Variants in EXOC4 observed in about 807,000 individuals in gnomAD.
EXOC4 encodes exocyst complex component 4.
Under a neutral mutation model 107.2 loss-of-function variants are expected in EXOC4, and 71 were observed. The observed-to-expected ratio is 0.66, with a 90% CI of 0.55 to 0.81. EXOC4 has a LOEUF of 0.81. Among genes scored for constraint, EXOC4 ranks in the 30% least tolerant of loss-of-function variants. The pLI is 0.00. For missense variants in EXOC4, 1,108 were observed against 1,189.6 expected (o/e 0.93, Z 1.01); for synonymous variants, 456 against 441.2 (o/e 1.03, Z -0.42).
intron 10 of EXOC4, among the ~76,000 whole-genome samples, chr7:133,643,642 C>G (rs1585050154): frequency 6.6e-6 from 1 of 152,126 alleles, no homozygotes. Flanking sequence ...CTTTGTACAA[C>G]CAGAAACACA....
At chr7:133,289,894 T>G (rs975510306) in intron 3 of EXOC4, among the ~76,000 whole-genome samples, 3 of 152,180 alleles carry the variant, frequency 2.0e-5, no homozygotes, top group African/African-American at 7.2e-5. Flanking sequence ...ATGGGCTGTA[T>G]TTGAATTGTT....
intron 4 of EXOC4, among the ~76,000 whole-genome samples, chr7:133,308,562 A>G (rs571498415): frequency 1.3e-5 from 2 of 152,298 alleles, no homozygotes; most frequent in East Asian, 3.9e-4. Context: ...TGTCTAAGCT[A>G]TCCAGTCTGT....
chr7:133,367,463 T>G (rs1321143682), intron 6 of EXOC4, among the ~76,000 whole-genome samples: 1 of 152,124 alleles, frequency 6.6e-6, no homozygotes, highest in Non-Finnish European at 1.5e-5. Flanking sequence ...AAATAATTAT[T>G]TGGGACTTTT....
At chr7:133,948,233 T>G (rs1294517676) in intron 14 of EXOC4, among the ~76,000 whole-genome samples, 1 of 152,166 alleles carries the variant, frequency 6.6e-6, no homozygotes, top group Non-Finnish European at 1.5e-5. Context: ...CCTTAGACAC[T>G]TGGGTGCTTT....
intron 14 of EXOC4, among the ~76,000 whole-genome samples, chr7:133,961,052 T>C (rs181586324): frequency 3.7e-4 from 57 of 152,230 alleles, no homozygotes; most frequent in Middle Eastern, 3.4e-3. Context: ...AGGGAGGTTA[T>C]CTTGGGTTAT....
chr7:133,520,865 A>G (rs908117016), intron 9 of EXOC4, among the ~76,000 whole-genome samples: 8 of 152,038 alleles, frequency 5.3e-5, no homozygotes, highest in Non-Finnish European at 1.0e-4. Flanking sequence ...AGTTTCATTT[A>G]TGCCTTTCCC....
At position 133,344,304 on chromosome 7, in the gene EXOC4, A is replaced by G. The variant is rs944881814; in HGVS notation, c.764-12026A>G. Among the ~76,000 whole-genome samples the G allele has an allele frequency of 2.6e-5, 4 of 152,058 alleles. No individual in the cohort carries two copies. The South Asian group carries it at 6.2e-4, about 24-fold the overall frequency. ...TTGCCTTCTAGTTTTCTTGTGCTTC[A>G]TGGTTGTTTTGTTGAAGGGAATTTA... On this transcript the variant is annotated intron_variant, in intron 5 of 17. Transcript: ENST00000253861.
chr7:133,668,141 G>T (rs573376404), intron 10 of EXOC4, among the ~76,000 whole-genome samples: 2 of 152,258 alleles, frequency 1.3e-5, no homozygotes, highest in African/African-American at 4.8e-5. Context: ...TTTATATTCG[G>T]AATGGTTTTT....
intron 9 of EXOC4, among the ~76,000 whole-genome samples, chr7:133,556,543 A>G (rs1290973088): frequency 6.6e-6 from 1 of 152,194 alleles, no homozygotes; most frequent in Non-Finnish European, 1.5e-5. Context: ...TTAATCAAAT[A>G]TACCATGTCA....
At chr7:133,408,354 TGGTGATGGTGGA>T (rs1391531859) in intron 7 of EXOC4, among the ~76,000 whole-genome samples, 5 of 148,914 alleles carry the variant, frequency 3.4e-5, no homozygotes, top group Non-Finnish European at 7.5e-5. Context: ...TGGGGTGGAT[TGGTGATGGTGGA>T]GGTGATGGTG....
At chr7:134,086,203 C>A in the EXOC4 span, among the ~76,000 whole-genome samples, 2 of 152,088 alleles carry the variant, frequency 1.3e-5, no homozygotes, top group African/African-American at 4.8e-5. Flanking sequence ...ACAGTAAAAA[C>A]AACAAAACAG....
chr7:133,927,488 C>A (rs1312456542), intron 13 of EXOC4, among the ~76,000 whole-genome samples: 2 of 152,118 alleles, frequency 1.3e-5, no homozygotes, highest in Non-Finnish European at 2.9e-5. Flanking sequence ...AAGTTTCCAG[C>A]TAACTATAGC....
intron 6 of EXOC4, among the ~76,000 whole-genome samples, chr7:133,374,156 C>A (rs1796435843): frequency 6.6e-6 from 1 of 152,144 alleles, no homozygotes; most frequent in South Asian, 2.1e-4. Context: ...AACTTTTGTT[C>A]TAGGCTTAGC....
chr7:133,968,601 CTTAG>C (rs1801127272), intron 14 of EXOC4, among the ~76,000 whole-genome samples: 1 of 152,080 alleles, frequency 6.6e-6, no homozygotes, highest in South Asian at 2.1e-4. Context: ...ACTTATGAAG[CTTAG>C]TTTGGCTGGA....
the EXOC4 span, among the ~76,000 whole-genome samples, chr7:134,073,665 T>A: frequency 1.0e-5 from 1 of 99,842 alleles, no homozygotes; most frequent in Non-Finnish European, 1.9e-5. Flanking sequence ...TGTCACATTC[T>A]TTTTTTTTTT....
chr7:133,980,861 T>C (rs190688715), intron 14 of EXOC4, among the ~76,000 whole-genome samples: 46 of 152,342 alleles, frequency 3.0e-4, no homozygotes, highest in African/African-American at 1.1e-3. Context: ...TATTCATGTG[T>C]TACTAACGTA....
intron 11 of EXOC4, among the ~76,000 whole-genome samples, chr7:133,837,951 CG>C (rs1459313739): frequency 6.6e-6 from 1 of 152,102 alleles, no homozygotes; most frequent in Non-Finnish European, 1.5e-5. Context: ...ACCCTTACAG[CG>C]CTGGATAAAG....
At chr7:133,540,547 C>T (rs2150930886) in intron 9 of EXOC4, among the ~76,000 whole-genome samples, 1 of 152,282 alleles carries the variant, frequency 6.6e-6, no homozygotes, top group African/African-American at 2.4e-5. Context: ...CCTTTTTATT[C>T]ACTTTCAAAT....
intron 7 of EXOC4, among the ~76,000 whole-genome samples, chr7:133,396,718 T>A (rs1796977847): frequency 6.6e-6 from 1 of 152,184 alleles, no homozygotes; most frequent in Non-Finnish European, 1.5e-5. Flanking sequence ...CTTGATTCGT[T>A]AGATGACTAT....
Sources: allele counts gnomAD v4.1 joint callset (sites outside exome capture counted in the v4.1 genomes callset), GRCh38; gene constraint gnomAD v4.1.1; transcripts MANE v1.5; gene names NCBI Gene and HGNC (gene_info 2026-07-23, HGNC 2026-07-21).